Variants in GPR83 observed in about 807,000 individuals in gnomAD.
The protein encoded by GPR83 is G-protein coupled receptor 72.
GPR83 carries 23 observed loss-of-function variants against 28.0 expected under a neutral mutation model. The ratio of observed to expected loss-of-function variants is 0.82; its 90% CI spans 0.59 to 1.16. The LOEUF (loss-of-function observed/expected upper bound fraction) is 1.16. GPR83 is among the 50% of genes most tolerant of loss of function. The probability of loss-of-function intolerance (pLI) is 0.00; values close to 1 mark genes in which losing one functional copy is unlikely to be tolerated. For missense variants in GPR83, 610 were observed against 536.6 expected (o/e 1.14, Z -1.35); for synonymous variants, 234 against 215.4 (o/e 1.09, Z -0.76).
chr11:94,396,606 C>A, intron 1 of GPR83, 82 bp from the exon 2 acceptor site: 1 of 1,399,472 alleles, frequency 7.1e-7, no homozygotes, highest in Admixed American at 1.8e-5. Flanking sequence ...AGGAGCATGC[C>A]CTTAGGGGGA....
chr11:94,401,007 TGAA>T lies in GPR83; in HGVS notation c.238_240del (p.Phe80del), dbSNP rs1944906180. 9 of 1,614,042 alleles carry T rather than the reference TGAA, an allele frequency of 5.6e-6. No homozygotes were observed. The East Asian group carries it at 1.3e-4, about 24-fold the overall frequency. On this transcript the variant is annotated inframe_deletion, in exon 1 of 4. Transcript: ENST00000243673. The stretch of plus-strand genomic sequence containing the variant: ...TTGCCAAAGAGTGAGAAGACAATGA[TGAA>T]GGAGTAAGCCACAATGAGCAGGGCT...
chr11:94,386,130 T>C (rs968564673), intron 3 of GPR83, among the ~76,000 whole-genome samples: 2 of 152,114 alleles, frequency 1.3e-5, no homozygotes, highest in Non-Finnish European at 2.9e-5. Context: ...ATAAATTACG[T>C]TACAGATAAG....
intron 3 of GPR83, among the ~76,000 whole-genome samples, chr11:94,387,966 CTTAT>C (rs1944777256): frequency 6.6e-6 from 1 of 152,174 alleles, no homozygotes; most frequent in Non-Finnish European, 1.5e-5. Flanking sequence ...CATCAAAAAG[CTTAT>C]CCACCATGAT....
rs146758043 is a variant in GPR83, at chr11:94,380,570, C to T, written c.851G>A (p.Arg284Gln). The T allele has an allele frequency of 2.5e-5, 40 of 1,613,948 alleles. No individual in the cohort carries two copies. The African/African-American group carries it at 3.9e-4, about 16-fold the overall frequency. ...DVTTEQYFAL[R>Q]RKKKKTIKML... ...CTTGATGGTCTTCTTCTTTTTGCGCCGCAGGGCAAAGTACTGCTCTGTGGT... is the reference window on the plus strand; with the variant it reads ...CTTGATGGTCTTCTTCTTTTTGCGCTGCAGGGCAAAGTACTGCTCTGTGGT... The change falls in exon 4 of 4, where the codon CGG becomes CAG. Residue 284 changes from arginine to glutamine, a missense_variant. Arg to Gln is a conservative substitution (Grantham distance 43). Coordinates refer to ENST00000243673, the MANE Select transcript of GPR83 (RefSeq NM_016540.4).
rs189317513 is a variant in GPR83, at chr11:94,389,309, C to A, written c.647+4176G>T. 6.3e-3 allele frequency among the ~76,000 whole-genome samples: 957 copies of A among 152,216 alleles called. 11 individuals carry two copies. In the East Asian group the frequency reaches 0.069, roughly 11 times the overall value. The stretch of plus-strand genomic sequence containing the variant: ...ACACCAAAAGCAACGGCAACAAAAG[C>A]CAAAATTGACAAATGGGATCTAATT... On this transcript the variant is annotated intron_variant, in intron 3 of 3. Coordinates refer to ENST00000243673, the MANE Select transcript of GPR83 (RefSeq NM_016540.4).
chr11:94,400,007 A>G (rs76679528), intron 1 of GPR83, among the ~76,000 whole-genome samples: 4,134 of 152,284 alleles, frequency 0.027, 192 homozygotes, highest in African/African-American at 0.094. Flanking sequence ...CTTCCTCAAC[A>G]CAGACCTCAA....
chr11:94,394,970 G>C (rs1390166458), intron 2 of GPR83, among the ~76,000 whole-genome samples: 3 of 152,192 alleles, frequency 2.0e-5, no homozygotes, highest in Non-Finnish European at 4.4e-5. Context: ...GTAATCAGAA[G>C]TCCTTCTAGT....
intron 2 of GPR83, among the ~76,000 whole-genome samples, chr11:94,393,946 G>A (rs1003279851): frequency 6.6e-5 from 10 of 152,144 alleles, no homozygotes; most frequent in Non-Finnish European, 1.5e-5. Context: ...AGCTGCTGGG[G>A]GAGAGGAGTC....
chr11:94,400,636 A>G (rs916083027), intron 1 of GPR83, among the ~76,000 whole-genome samples: 1 of 151,978 alleles, frequency 6.6e-6, no homozygotes, highest in Non-Finnish European at 1.5e-5. Context: ...AAGAAAGACT[A>G]AGAAAAACAG....
chr11:94,393,715 C>A (rs1382851114), intron 2 of GPR83, 97 bp from the exon 3 acceptor site: 3 of 1,111,938 alleles, frequency 2.7e-6, no homozygotes, highest in Non-Finnish European at 4.0e-6. Context: ...AATCCCAGCA[C>A]TTTGGGAGTC....
At chr11:94,384,650 G>A (rs1243726648) in intron 3 of GPR83, among the ~76,000 whole-genome samples, 1 of 152,220 alleles carries the variant, frequency 6.6e-6, no homozygotes, top group Non-Finnish European at 1.5e-5. Flanking sequence ...CGAGGCTGGG[G>A]GAGGAGCGTC....
rs181527495 is a variant in GPR83, at chr11:94,392,707, T to A, written c.647+778A>T. Reference sequence around the variant, plus strand: ...TAGGCATGATGGTGCGTGCCTGTAATCCCAGCTACTTGGGAAGCTGAGGCA... The same window carrying A: ...TAGGCATGATGGTGCGTGCCTGTAAACCCAGCTACTTGGGAAGCTGAGGCA... On this transcript the variant is annotated intron_variant, in intron 3 of 3. Coordinates refer to ENST00000243673, the MANE Select transcript of GPR83 (RefSeq NM_016540.4). Among the ~76,000 whole-genome samples, 4 of 152,092 alleles carry A rather than the reference T, an allele frequency of 2.6e-5. No homozygotes were observed. The East Asian group carries it at 7.7e-4, about 29-fold the overall frequency.
intron 1 of GPR83, among the ~76,000 whole-genome samples, chr11:94,397,937 G>A (rs1024266581): frequency 9.2e-5 from 14 of 152,204 alleles, no homozygotes; most frequent in Non-Finnish European, 2.1e-4. Context: ...GCAGAGGACA[G>A]GGAGGAGCCA....
rs765119582 is a variant in GPR83 at position 94,380,754 on chromosome 11, G to C, written c.667C>G (p.Leu223Val). ...FKYSEDIVRS[L>V]CLPDFPEPAD... ...GGCTCAGGGAAGTCTGGCAGGCAGA[G>C]GGAGCGCACAATGTCCTCACTGGGG... The change falls in exon 4 of 4, where the codon CTC becomes GTC. Residue 223 changes from leucine to valine, a missense_variant. Leu to Val is a conservative substitution (Grantham distance 32, BLOSUM62 1). Transcript: ENST00000243673. The C allele has an allele frequency of 6.2e-7, 1 of 1,611,126 alleles. No individual in the cohort carries two copies. Among genetic ancestry groups the C allele is most frequent in the Non-Finnish European group, 8.5e-7 (1 of 1,179,342 alleles).
chr11:94,382,751 C>T (rs140371707), intron 3 of GPR83, among the ~76,000 whole-genome samples: 260 of 152,276 alleles, frequency 1.7e-3, no homozygotes, highest in African/African-American at 6.1e-3. Context: ...TACCTCATCA[C>T]ACTTATTCTA....
At position 94,401,025 on chromosome 11, in the gene GPR83, TGAGCAG is replaced by T. The variant is rs1373441172; in HGVS notation, c.217_222del (p.Leu73_Leu74del). The stretch of plus-strand genomic sequence containing the variant: ...ACAATGATGAAGGAGTAAGCCACAA[TGAGCAG>T]GGCTTTCACCGTGGGGTTCTGGGAC... On this transcript the variant is annotated inframe_deletion, in exon 1 of 4. Coordinates refer to ENST00000243673, the MANE Select transcript of GPR83 (RefSeq NM_016540.4). The T allele has an allele frequency of 6.2e-7, 1 of 1,614,188 alleles. No homozygotes were observed. Among genetic ancestry groups the T allele is most frequent in the South Asian group, 1.1e-5 (1 of 91,090 alleles).
Position 94,379,996 on chromosome 11 carries a change from C to A in GPR83, c.*153G>T. On this transcript the variant is annotated 3_prime_UTR_variant, in exon 4 of 4. Coordinates refer to ENST00000243673, the MANE Select transcript of GPR83 (RefSeq NM_016540.4). ...CTTTTAGTTTTCACATCACATGGGG[C>A]TAGGAGGCTGGACAGTTTCCTAGGA... 1 of 533,774 alleles carries A rather than the reference C, an allele frequency of 1.9e-6. No individual in the cohort carries two copies. Among genetic ancestry groups the A allele is most frequent in the East Asian group, 3.0e-5 (1 of 32,914 alleles). The allele number at this position is 533,774 out of a possible 1,614,324, so 33.1% of individuals were successfully genotyped here.
At chr11:94,381,893 C>G (rs1039527086) in intron 3 of GPR83, among the ~76,000 whole-genome samples, 1 of 152,268 alleles carries the variant, frequency 6.6e-6, no homozygotes, top group East Asian at 1.9e-4. Context: ...TCCTGTGGGG[C>G]AGGGGCAGCT....
chr11:94,394,132 G>C (rs1944844274), intron 2 of GPR83, among the ~76,000 whole-genome samples: 2 of 152,200 alleles, frequency 1.3e-5, no homozygotes, highest in African/African-American at 4.8e-5. Context: ...ACCACGGCAA[G>C]GCTGGGAGAG....
Sources: allele counts gnomAD v4.1 joint callset (sites outside exome capture counted in the v4.1 genomes callset), GRCh38; gene constraint gnomAD v4.1.1; transcripts MANE v1.5; gene names NCBI Gene and HGNC (gene_info 2026-07-23, HGNC 2026-07-21).